Variants in CFDP1 observed in about 807,000 individuals in gnomAD.
CFDP1 encodes the protein heterochromatin-stabilizing protein CFDP1.
In CFDP1, 31 loss-of-function variants were observed where a neutral mutation model predicts 40.1. The ratio of observed to expected loss-of-function variants is 0.77; its 90% CI spans 0.58 to 1.04. The LOEUF is 1.04. CFDP1 is among the 50% of genes least tolerant of loss of function. The pLI, the probability that CFDP1 is intolerant of heterozygous loss-of-function variation, is 0.00. For synonymous variants in CFDP1, 167 were observed against 120.0 expected (o/e 1.39, Z -2.56); for missense variants, 423 against 343.4 (o/e 1.23, Z -1.83).
intron 5 of CFDP1, among the ~76,000 whole-genome samples, chr16:75,352,813 T>C (rs180828386): frequency 6.6e-6 from 1 of 152,318 alleles, no homozygotes; most frequent in Admixed American, 6.5e-5. Flanking sequence ...TACATGATCC[T>C]AGTGTATCTA....
chr16:75,300,408 C>T (rs1314809566), intron 6 of CFDP1, among the ~76,000 whole-genome samples: 3 of 152,184 alleles, frequency 2.0e-5, no homozygotes, highest in African/African-American at 7.2e-5. Context: ...TAGCCTCAGC[C>T]TCCCAAGTAG....
At chr16:75,412,276 C>T (rs1481677217) in intron 3 of CFDP1, among the ~76,000 whole-genome samples, 2 of 152,196 alleles carry the variant, frequency 1.3e-5, no homozygotes, top group Non-Finnish European at 2.9e-5. Flanking sequence ...GCCTCAGCCT[C>T]CCAAAGTGCA....
intron 5 of CFDP1, among the ~76,000 whole-genome samples, chr16:75,327,070 AC>A (rs746727650): frequency 1.6e-4 from 25 of 152,164 alleles, no homozygotes; most frequent in Non-Finnish European, 3.1e-4. Flanking sequence ...GGAGATCGAG[AC>A]CATCCTGGCA....
chr16:75,385,055 T>G (rs561265685), intron 5 of CFDP1, among the ~76,000 whole-genome samples: 2 of 151,350 alleles, frequency 1.3e-5, no homozygotes, highest in African/African-American at 2.4e-5. Context: ...TTGATAGGTA[T>G]TGCAGGTACA....
intron 5 of CFDP1, among the ~76,000 whole-genome samples, chr16:75,374,882 A>T (rs1379689052): frequency 1.3e-5 from 2 of 152,202 alleles, no homozygotes; most frequent in Non-Finnish European, 2.9e-5. Context: ...GCACATCTCA[A>T]TTCAGACTGG....
At chr16:75,365,621 G>A (rs1177641637) in intron 5 of CFDP1, among the ~76,000 whole-genome samples, 3 of 152,162 alleles carry the variant, frequency 2.0e-5, no homozygotes, top group Non-Finnish European at 4.4e-5. Context: ...GGAGGCTAGG[G>A]TGGGAGGATC....
chr16:75,401,986 G>C (rs546670279), intron 4 of CFDP1, among the ~76,000 whole-genome samples: 24 of 152,254 alleles, frequency 1.6e-4, no homozygotes, highest in Non-Finnish European at 2.9e-4. Flanking sequence ...TATAAACTGT[G>C]GGAGTATCTC....
chr16:75,423,850 CA>C (rs1228071147), intron 1 of CFDP1, among the ~76,000 whole-genome samples: 1 of 152,170 alleles, frequency 6.6e-6, no homozygotes, highest in Non-Finnish European at 1.5e-5. Flanking sequence ...CAGGCGTGAG[CA>C]ACTGCACCCA....
intron 6 of CFDP1, among the ~76,000 whole-genome samples, chr16:75,295,865 C>T (rs1335520334): frequency 6.6e-6 from 1 of 152,128 alleles, no homozygotes. Context: ...GAAGTGTAGA[C>T]ATCTAACAAC....
At chr16:75,340,531 T>C (rs2078519670) in intron 5 of CFDP1, among the ~76,000 whole-genome samples, 2 of 152,154 alleles carry the variant, frequency 1.3e-5, no homozygotes, top group Non-Finnish European at 2.9e-5. Flanking sequence ...TCAGAGTGAG[T>C]AGGAAAATTC....
intron 5 of CFDP1, among the ~76,000 whole-genome samples, chr16:75,374,105 C>T (rs1597362684): frequency 1.3e-5 from 2 of 151,998 alleles, no homozygotes; most frequent in South Asian, 4.2e-4. Context: ...ATACAAACAT[C>T]AGCCAGGCGT....
intron 5 of CFDP1, among the ~76,000 whole-genome samples, chr16:75,385,179 A>G (rs1232978254): frequency 6.6e-6 from 1 of 152,054 alleles, no homozygotes; most frequent in Non-Finnish European, 1.5e-5. Context: ...CTTGATTCAA[A>G]GATATTATTC....
intron 2 of CFDP1, 125 bp downstream of exon 2, chr16:75,414,453 T>C: frequency 1.5e-6 from 1 of 659,460 alleles, no homozygotes; most frequent in Non-Finnish European, 2.7e-6. Context: ...ACAGCAAATG[T>C]TTCCCTCAAA....
chr16:75,295,051 C>CAAA (rs35756491), intron 6 of CFDP1, among the ~76,000 whole-genome samples: 3 of 152,182 alleles, frequency 2.0e-5, no homozygotes, highest in Admixed American at 2.0e-4. Context: ...AAATGGGAGA[C>CAAA]AAAATTGAAT....
chr16:75,412,477 T>C, intron 3 of CFDP1, 58 bp downstream of exon 3: 2 of 1,335,470 alleles, frequency 1.5e-6, no homozygotes, highest in Non-Finnish European at 2.2e-6. Flanking sequence ...AGGCTTCAAA[T>C]CTCAGTAATG....
chr16:75,377,879 C>G (rs902801829), intron 5 of CFDP1, among the ~76,000 whole-genome samples: 1 of 152,230 alleles, frequency 6.6e-6, no homozygotes, highest in Non-Finnish European at 1.5e-5. Flanking sequence ...AGCTCACATT[C>G]CTGTAACGTC....
chr16:75,352,007 C>CAA lies in CFDP1; in HGVS notation c.650+43081_650+43082dup, dbSNP rs3975153. On this transcript the variant is annotated intron_variant, in intron 5 of 6. Transcript: ENST00000283882. ...TGGGCGACAGACTGAGACTCTGTCTCAAAAAAAAAAAAAAAAAAAAAAAAA... is the reference window on the plus strand; with the variant it reads ...TGGGCGACAGACTGAGACTCTGTCTCAAAAAAAAAAAAAAAAAAAAAAAAAAA... Among the ~76,000 whole-genome samples, 291 of 86,742 alleles carry CAA rather than the reference C, an allele frequency of 3.4e-3. 24 individuals carry two copies. Among genetic ancestry groups the CAA allele is most frequent in the African/African-American group, 0.011 (196 of 17,910 alleles). 56.9% of individuals were successfully genotyped at this position (86,742 alleles called of 152,430 possible). A position where few individuals can be genotyped will look rare whatever the true frequency, so the allele number is the denominator to read the frequency against.
At chr16:75,349,798 G>C (rs939094749) in intron 5 of CFDP1, among the ~76,000 whole-genome samples, 21 of 145,170 alleles carry the variant, frequency 1.4e-4, no homozygotes, top group Non-Finnish European at 2.7e-4. Flanking sequence ...GGATTGCTTA[G>C]GATTTTCTCC....
At chr16:75,387,444 G>T (rs919245461) in intron 5 of CFDP1, among the ~76,000 whole-genome samples, 3 of 152,032 alleles carry the variant, frequency 2.0e-5, no homozygotes, top group African/African-American at 7.2e-5. Flanking sequence ...CCCGGCCAGG[G>T]TATTCTTGCT....
Sources: allele counts gnomAD v4.1 joint callset (sites outside exome capture counted in the v4.1 genomes callset), GRCh38; gene constraint gnomAD v4.1.1; transcripts MANE v1.5; gene names NCBI Gene and HGNC (gene_info 2026-07-23, HGNC 2026-07-21).